AGPAT4: variants seen among roughly 807,000 people sequenced by gnomAD.
AGPAT4 encodes the protein 1-acylglycerol-3-phosphate O-acyltransferase 4.
A neutral mutation model predicts 48.0 loss-of-function variants in AGPAT4; 15 were observed. That is an observed-to-expected ratio of 0.31 (90% CI 0.21 to 0.48). The LOEUF (loss-of-function observed/expected upper bound fraction) is 0.48, where lower values mean the gene tolerates loss of function less well. AGPAT4 is among the 20% of genes least tolerant of loss of function. The pLI, the probability that AGPAT4 is intolerant of heterozygous loss-of-function variation, is 0.99. For synonymous variants in AGPAT4, 178 were observed against 198.7 expected (o/e 0.90, Z 0.88); for missense variants, 314 against 482.5 (o/e 0.65, Z 3.27).
Position 161,161,662 on chromosome 6 carries a change from A to G in AGPAT4, c.348+4586T>C. 2.8e-6 allele frequency: 1 copy of G among 359,868 alleles called. No individual in the cohort carries two copies. Among genetic ancestry groups the G allele is most frequent in the East Asian group, 7.4e-5 (1 of 13,520 alleles). The allele number at this position is 359,868 out of a possible 1,614,324, so 22.3% of individuals were successfully genotyped here. The stretch of plus-strand genomic sequence containing the variant: ...ATCTGGAAACTTCTAACTTCTCTTC[A>G]GCCAAAGAGCCCTTGACAAGTGCAT... On this transcript the variant is annotated intron_variant, in intron 3 of 8. Coordinates refer to ENST00000320285, the MANE Select transcript of AGPAT4 (RefSeq NM_020133.3). The surrounding 1 kb of genome is among the most constrained non-coding windows in gnomAD (Gnocchi z 4.6).
chr6:161,187,113 C>T (rs1036888594), intron 2 of AGPAT4, among the ~76,000 whole-genome samples: 4 of 152,210 alleles, frequency 2.6e-5, no homozygotes, highest in African/African-American at 9.6e-5. Flanking sequence ...ATGATAATCA[C>T]TCACAGAACT....
rs1320615600 is a variant in AGPAT4 at position 161,219,835 on chromosome 6, A to ATATAGATAGATAGATAGG, written c.178+12200_178+12201insCCTATCTATCTATCTATA. 1.5e-3 allele frequency among the ~76,000 whole-genome samples: 148 copies of ATATAGATAGATAGATAGG among 100,188 alleles called. No homozygotes were observed. Among genetic ancestry groups the ATATAGATAGATAGATAGG allele is most frequent in the African/African-American group, 6.4e-3 (134 of 21,046 alleles). 65.7% of individuals were successfully genotyped at this position (100,188 alleles called of 152,430 possible). On this transcript the variant is annotated intron_variant, in intron 2 of 8. Coordinates refer to ENST00000320285, the MANE Select transcript of AGPAT4 (RefSeq NM_020133.3). This position sits in a 1 kb window ranked among gnomAD's most constrained non-coding sequence, Gnocchi z 4.9. ...AAAAAAGATAGACAGAGATAGATAG[A>ATATAGATAGATAGATAGG]TAGATAGATAGATAGATAGATAGAT...
intron 3 of AGPAT4, among the ~76,000 whole-genome samples, chr6:161,156,198 T>C (rs888500745): frequency 1.3e-5 from 2 of 152,220 alleles, no homozygotes; most frequent in African/African-American, 4.8e-5. Context: ...ACGTGGGTTA[T>C]GGTGTGTACC....
Position 161,197,732 on chromosome 6 carries a change from C to T in AGPAT4, c.179-31315G>A, listed in dbSNP as rs777072016. On this transcript the variant is annotated intron_variant, in intron 2 of 8. Transcript: ENST00000320285. The surrounding 1 kb of genome is among the most constrained non-coding windows in gnomAD (Gnocchi z 5.7). ...CTAGAAGGAGAGCCTGGGAAGGAGACCACTGGCCTAGCCCCAGGGAGGTCA... is the reference window on the plus strand; with the variant it reads ...CTAGAAGGAGAGCCTGGGAAGGAGATCACTGGCCTAGCCCCAGGGAGGTCA... Among the ~76,000 whole-genome samples the T allele has an allele frequency of 2.2e-4, 33 of 152,288 alleles. No individual in the cohort carries two copies. The highest frequency in any genetic ancestry group is 4.0e-4 in the Non-Finnish European group (27 of 68,026).
chr6:161,232,284 C>T lies in AGPAT4; in HGVS notation c.-71G>A, dbSNP rs1279881701. 1.4e-6 allele frequency: 2 copies of T among 1,475,182 alleles called. No individual in the cohort carries two copies. The highest frequency in any genetic ancestry group is 1.8e-6 in the Non-Finnish European group (2 of 1,086,928). 91.4% of individuals were successfully genotyped at this position (1,475,182 alleles called of 1,614,324 possible). A position where few individuals can be genotyped will look rare whatever the true frequency, so the allele number is the denominator to read the frequency against. The stretch of plus-strand genomic sequence containing the variant: ...AAAGATTTCCAGAAGGAAGAAAGAT[C>T]CAGGACTCAGGAAGGCGTCTAAAAC... On this transcript the variant is annotated 5_prime_UTR_variant, in exon 2 of 9. An upstream open reading frame in the 5' UTR gains an earlier in-frame stop. Transcript: ENST00000320285. The surrounding 1 kb of genome is among the most constrained non-coding windows in gnomAD (Gnocchi z 6.8).
intron 2 of AGPAT4, among the ~76,000 whole-genome samples, chr6:161,187,707 A>AT (rs938626887): frequency 1.3e-5 from 2 of 151,434 alleles, no homozygotes; most frequent in African/African-American, 4.9e-5. Context: ...CACCCAGCTA[A>AT]TTTTTTTTGT....
rs538283511 is a variant in AGPAT4 at position 161,166,480 on chromosome 6, A to T, written c.179-63T>A. On this transcript the variant is annotated intron_variant, in intron 2 of 8. Coordinates refer to ENST00000320285, the MANE Select transcript of AGPAT4 (RefSeq NM_020133.3). The surrounding 1 kb of genome is among the most constrained non-coding windows in gnomAD (Gnocchi z 6.7). ...CAGCCTTGTCCTGGGAGCCCTGCTGAGAGCAGGGCTCTGCCCTCCCAGCTA... is the reference window on the plus strand; with the variant it reads ...CAGCCTTGTCCTGGGAGCCCTGCTGTGAGCAGGGCTCTGCCCTCCCAGCTA... The T allele has an allele frequency of 4.1e-4, 616 of 1,495,772 alleles. 7 individuals are homozygous for T. In the South Asian group the frequency reaches 7.8e-3, roughly 19 times the overall value. 92.7% of individuals were successfully genotyped at this position (1,495,772 alleles called of 1,614,324 possible). A position where few individuals can be genotyped will look rare whatever the true frequency, so the allele number is the denominator to read the frequency against.
In AGPAT4 at chr6:161,201,465, G is replaced by C. The variant is rs79068959; in HGVS notation, c.178+30571C>G. Among the ~76,000 whole-genome samples, 7,504 of 152,224 alleles carry C rather than the reference G, an allele frequency of 0.049. 246 individuals are homozygous for C. The highest frequency in any genetic ancestry group is 0.077 in the Non-Finnish European group (5,242 of 68,010). On this transcript the variant is annotated intron_variant, in intron 2 of 8. Coordinates refer to ENST00000320285, the MANE Select transcript of AGPAT4 (RefSeq NM_020133.3). This position sits in a 1 kb window ranked among gnomAD's most constrained non-coding sequence, Gnocchi z 6.0. The stretch of plus-strand genomic sequence containing the variant: ...TAAAAACCAGGAGAAATGGTTTTCT[G>C]TTCTTTAATTAGTTACTTCTGGTTT...
Position 161,159,288 on chromosome 6 carries a change from T to G in AGPAT4, c.349-4978A>C, listed in dbSNP as rs1779853274. ...GAATCTTCAACCCAAGGCTGCTCTG[T>G]CTGTGCAAAGGTATTGATTAAGAAG... On this transcript the variant is annotated intron_variant, in intron 3 of 8. Coordinates refer to ENST00000320285, the MANE Select transcript of AGPAT4 (RefSeq NM_020133.3). The surrounding 1 kb of genome is among the most constrained non-coding windows in gnomAD (Gnocchi z 4.1). Among the ~76,000 whole-genome samples, 1 of 152,174 alleles carries G rather than the reference T, an allele frequency of 6.6e-6. No homozygotes were observed. The highest frequency in any genetic ancestry group is 2.1e-4 in the South Asian group (1 of 4,826).
rs1163270458 is a variant in AGPAT4, at chr6:161,239,330, A to G, written c.-89-7028T>C. On this transcript the variant is annotated intron_variant, in intron 1 of 8. Coordinates refer to ENST00000320285, the MANE Select transcript of AGPAT4 (RefSeq NM_020133.3). ...GAGAGCTGTCAGTTTAATGCATTAA[A>G]TTAGGCAACAAGATATCCTTAGTTA... Among the ~76,000 whole-genome samples the G allele has an allele frequency of 2.0e-5, 3 of 152,242 alleles. No individual in the cohort carries two copies. In the East Asian group the frequency reaches 5.8e-4, roughly 29 times the overall value.
In AGPAT4 at chr6:161,161,618, G is replaced by A; in HGVS notation, c.348+4630C>T. On this transcript the variant is annotated intron_variant, in intron 3 of 8. Coordinates refer to ENST00000320285, the MANE Select transcript of AGPAT4 (RefSeq NM_020133.3). The surrounding 1 kb of genome is among the most constrained non-coding windows in gnomAD (Gnocchi z 4.6). ...CAAAACCATGGCGGTGGGCATATCT[G>A]CTGAAAATACCCCTCCATATCTGGA... is the stretch of plus-strand genomic sequence containing the variant. The A allele has an allele frequency of 7.8e-6, 3 of 386,912 alleles. No individual in the cohort carries two copies. The highest frequency in any genetic ancestry group is 5.6e-5 in the South Asian group (3 of 53,482). 24.0% of individuals were successfully genotyped at this position (386,912 alleles called of 1,614,324 possible). A position where few individuals can be genotyped will look rare whatever the true frequency, so the allele number is the denominator to read the frequency against.
At position 161,242,230 on chromosome 6, in the gene AGPAT4, G is replaced by A. The variant is rs1782513406; in HGVS notation, c.-89-9928C>T. Among the ~76,000 whole-genome samples, 1 of 152,238 alleles carries A rather than the reference G, an allele frequency of 6.6e-6. No individual in the cohort carries two copies. The highest frequency in any genetic ancestry group is 1.5e-5 in the Non-Finnish European group (1 of 68,036). ...GTGAAGTGTAAAGGGCTAATGGTGAGTAACTGTGGGGGCCCGGCCTGGGCC... is the reference window on the plus strand; with the variant it reads ...GTGAAGTGTAAAGGGCTAATGGTGAATAACTGTGGGGGCCCGGCCTGGGCC... On this transcript the variant is annotated intron_variant, in intron 1 of 8. Coordinates refer to ENST00000320285, the MANE Select transcript of AGPAT4 (RefSeq NM_020133.3). The surrounding 1 kb of genome is among the most constrained non-coding windows in gnomAD (Gnocchi z 5.0).
chr6:161,184,869 T>G lies in AGPAT4; in HGVS notation c.179-18452A>C, dbSNP rs1780723282. Among the ~76,000 whole-genome samples the G allele has an allele frequency of 6.6e-6, 1 of 152,086 alleles. No homozygotes were observed. Among genetic ancestry groups the G allele is most frequent in the African/African-American group, 2.4e-5 (1 of 41,394 alleles). ...GTGTGTGTAGTATTCCTGGGAAAAC[T>G]GTCAAACTCAAAGTATCAAGCACCC... is the stretch of plus-strand genomic sequence containing the variant. On this transcript the variant is annotated intron_variant, in intron 2 of 8. Coordinates refer to ENST00000320285, the MANE Select transcript of AGPAT4 (RefSeq NM_020133.3). This position sits in a 1 kb window ranked among gnomAD's most constrained non-coding sequence, Gnocchi z 4.8.
At position 161,168,335 on chromosome 6, in the gene AGPAT4, A is replaced by G. The variant is rs547476178; in HGVS notation, c.179-1918T>C. ...AGCACAACTCCACAGGGAGTCAGGG[A>G]GACAAAGCTGATGCTTCCAAGAGAC... On this transcript the variant is annotated intron_variant, in intron 2 of 8. Coordinates refer to ENST00000320285, the MANE Select transcript of AGPAT4 (RefSeq NM_020133.3). Among the ~76,000 whole-genome samples, 550 of 152,256 alleles carry G rather than the reference A, an allele frequency of 3.6e-3. 5 individuals are homozygous for G. The highest frequency in any genetic ancestry group is 0.012 in the African/African-American group (517 of 41,548).
chr6:161,210,452 GCATGC>G (rs1781491546), intron 2 of AGPAT4, among the ~76,000 whole-genome samples: 1 of 152,120 alleles, frequency 6.6e-6, no homozygotes, highest in South Asian at 2.1e-4. Context: ...ACTTCTATCG[GCATGC>G]CTAATATGTC....
rs572446691 is a variant in AGPAT4 at position 161,166,529 on chromosome 6, CA to C, written c.179-113del. 2.8e-4 allele frequency: 365 copies of C among 1,306,752 alleles called. 6 individuals carry two copies. The East Asian group carries it at 8.6e-3, about 31-fold the overall frequency. 80.9% of individuals were successfully genotyped at this position (1,306,752 alleles called of 1,614,324 possible). A position where few individuals can be genotyped will look rare whatever the true frequency, so the allele number is the denominator to read the frequency against. On this transcript the variant is annotated intron_variant, in intron 2 of 8. Transcript: ENST00000320285. The surrounding 1 kb of genome is among the most constrained non-coding windows in gnomAD (Gnocchi z 6.7). ...TAGGGGAGAAAGCAACTTCTACGGGCAAAGTTCTGGATCGTTGCAGCACAGA... is the reference window on the plus strand; with the variant it reads ...TAGGGGAGAAAGCAACTTCTACGGGCAAGTTCTGGATCGTTGCAGCACAGA...
In AGPAT4 at chr6:161,144,407, G is replaced by A. The variant is rs1414844959; in HGVS notation, c.843+2117C>T. 3.0e-6 allele frequency: 1 copy of A among 336,862 alleles called. No individual in the cohort carries two copies. The highest frequency in any genetic ancestry group is 5.9e-6 in the Non-Finnish European group (1 of 168,442). The allele number at this position is 336,862 out of a possible 1,614,324, so 20.9% of individuals were successfully genotyped here. On this transcript the variant is annotated intron_variant, in intron 7 of 8. Coordinates refer to ENST00000320285, the MANE Select transcript of AGPAT4 (RefSeq NM_020133.3). This position sits in a 1 kb window ranked among gnomAD's most constrained non-coding sequence, Gnocchi z 6.6. ...GCTTTGGAGTAGATGATCACTTTGA[G>A]AACCCTACCAAGTTGAACACTATCA...
In AGPAT4 at chr6:161,165,360, G is replaced by C. The variant is rs923659705; in HGVS notation, c.348+888C>G. Among the ~76,000 whole-genome samples the C allele has an allele frequency of 4.6e-5, 7 of 152,166 alleles. No homozygotes were observed. Among genetic ancestry groups the C allele is most frequent in the Admixed American group, 4.6e-4 (7 of 15,282 alleles). On this transcript the variant is annotated intron_variant, in intron 3 of 8. Transcript: ENST00000320285. This position sits in a 1 kb window ranked among gnomAD's most constrained non-coding sequence, Gnocchi z 5.5. ...TAGTTCCCTATGTCCTCCATGGCCT[G>C]ATAGCCTCTGTCTCCAATCTTCTAT... is the stretch of plus-strand genomic sequence containing the variant.
In AGPAT4 at chr6:161,165,670, A is replaced by T; in HGVS notation, c.348+578T>A. On this transcript the variant is annotated intron_variant, in intron 3 of 8. Transcript: ENST00000320285. The surrounding 1 kb of genome is among the most constrained non-coding windows in gnomAD (Gnocchi z 5.5). ...TGAAGACGACAAAAGTCAACTGAAGAGACCCAGTTCCAAAGGCATGCAAGC... is the reference window on the plus strand; with the variant it reads ...TGAAGACGACAAAAGTCAACTGAAGTGACCCAGTTCCAAAGGCATGCAAGC... The T allele has an allele frequency of 7.7e-7, 1 of 1,303,102 alleles. No individual in the cohort carries two copies. Among genetic ancestry groups the T allele is most frequent in the Non-Finnish European group, 1.0e-6 (1 of 987,580 alleles). 80.7% of individuals were successfully genotyped at this position (1,303,102 alleles called of 1,614,324 possible). A position where few individuals can be genotyped will look rare whatever the true frequency, so the allele number is the denominator to read the frequency against.
Sources: allele counts gnomAD v4.1 joint callset (sites outside exome capture counted in the v4.1 genomes callset), GRCh38; gene constraint gnomAD v4.1.1; non-coding constraint Gnocchi (gnomAD v3.1); transcripts MANE v1.5; gene names NCBI Gene and HGNC (gene_info 2026-07-23, HGNC 2026-07-21).